Variants in SLC16A10 observed in about 807,000 individuals in gnomAD.
SLC16A10 encodes monocarboxylate transporter 10.
Under a neutral mutation model 40.0 loss-of-function variants are expected in SLC16A10, and 27 were observed. The observed-to-expected ratio is 0.67, with a 90% CI of 0.50 to 0.93. SLC16A10 has a LOEUF of 0.93. SLC16A10 is among the 40% of genes least tolerant of loss of function. The probability of loss-of-function intolerance (pLI) is 0.00; values close to 1 mark genes in which losing one functional copy is unlikely to be tolerated. For synonymous variants in SLC16A10, 213 were observed against 249.8 expected, an observed-to-expected ratio of 0.85 and a Z score of 1.39; for missense variants, 529 against 658.2, an observed-to-expected ratio of 0.80 and a Z score of 2.15.
chr6:111,121,092 T>A (rs574815481), intron 1 of SLC16A10, among the ~76,000 whole-genome samples: 32 of 152,318 alleles, frequency 2.1e-4, no homozygotes, highest in Non-Finnish European at 3.8e-4. Context: ...CAGGAAATTT[T>A]GGAATATACA....
chr6:111,220,618 G>A (rs1770871374), intron 5 of SLC16A10, among the ~76,000 whole-genome samples: 2 of 152,158 alleles, frequency 1.3e-5, no homozygotes, highest in South Asian at 4.1e-4. Flanking sequence ...AAAGGTCATG[G>A]TCTCCTTATA....
intron 1 of SLC16A10, among the ~76,000 whole-genome samples, chr6:111,101,222 G>A (rs1278164977): frequency 6.6e-6 from 1 of 151,732 alleles, no homozygotes; most frequent in Non-Finnish European, 1.5e-5. Context: ...TGTAGAGACA[G>A]GGTTTTGCCT....
At chr6:111,209,183 T>C (rs563953901) in intron 4 of SLC16A10, among the ~76,000 whole-genome samples, 41 of 152,222 alleles carry the variant, frequency 2.7e-4, no homozygotes, top group Middle Eastern at 6.8e-3. Flanking sequence ...CCAGCCTAGG[T>C]GACAGAGTGA....
At chr6:111,216,783 A>T (rs1267000233) in intron 4 of SLC16A10, among the ~76,000 whole-genome samples, 1 of 152,146 alleles carries the variant, frequency 6.6e-6, no homozygotes, top group East Asian at 1.9e-4. Context: ...TGAAGAAAAA[A>T]TGTACCGAAC....
intron 1 of SLC16A10, among the ~76,000 whole-genome samples, chr6:111,167,165 G>T (rs900351379): frequency 6.6e-6 from 1 of 152,176 alleles, no homozygotes; most frequent in Non-Finnish European, 1.5e-5. Flanking sequence ...TAACTGAAAA[G>T]CAGGTTAGTT....
At chr6:111,141,482 GAA>G (rs1484502814) in intron 1 of SLC16A10, among the ~76,000 whole-genome samples, 1 of 152,074 alleles carries the variant, frequency 6.6e-6, no homozygotes, top group African/African-American at 2.4e-5. Flanking sequence ...GACCAACATG[GAA>G]AAACCCCATC....
chr6:111,218,652 A>T (rs1770826112), intron 4 of SLC16A10, among the ~76,000 whole-genome samples, 162 bp from the exon 5 acceptor site: 1 of 152,078 alleles, frequency 6.6e-6, no homozygotes, highest in Non-Finnish European at 1.5e-5. Flanking sequence ...CTCGAAGGAG[A>T]TGATTATAGG....
chr6:111,107,024 C>T (rs967379796), intron 1 of SLC16A10, among the ~76,000 whole-genome samples: 16 of 152,210 alleles, frequency 1.1e-4, no homozygotes, highest in African/African-American at 3.9e-4. Flanking sequence ...CTTTTGGTGG[C>T]AGCAATTCTG....
intron 3 of SLC16A10, among the ~76,000 whole-genome samples, chr6:111,195,651 A>G (rs562679392): frequency 6.6e-6 from 1 of 152,294 alleles, no homozygotes; most frequent in East Asian, 1.9e-4. Flanking sequence ...ATTGTGAACC[A>G]ATGTGTAGTG....
At chr6:111,182,438 C>A (rs1772816023) in intron 3 of SLC16A10, among the ~76,000 whole-genome samples, 1 of 149,158 alleles carries the variant, frequency 6.7e-6, no homozygotes, top group African/African-American at 2.5e-5. Context: ...TCTTTGCTCA[C>A]TTCTTCTTTT....
chr6:111,174,974 A>C (rs115285838), intron 2 of SLC16A10, among the ~76,000 whole-genome samples: 110 of 152,316 alleles, frequency 7.2e-4, no homozygotes, highest in African/African-American at 2.3e-3. Context: ...TACATGTAAT[A>C]TTCTCATATA....
chr6:111,133,105 C>T (rs147771593), intron 1 of SLC16A10, among the ~76,000 whole-genome samples: 28 of 152,290 alleles, frequency 1.8e-4, no homozygotes, highest in African/African-American at 6.3e-4. Flanking sequence ...CCAGGACTCA[C>T]CCCTGAGCAA....
intron 1 of SLC16A10, among the ~76,000 whole-genome samples, chr6:111,165,088 C>T (rs997491394): frequency 6.6e-5 from 10 of 152,168 alleles, no homozygotes; most frequent in Non-Finnish European, 1.5e-4. Context: ...TAAGATTTTT[C>T]ATTGTCCAAT....
chr6:111,156,702 T>C (rs891982000), intron 1 of SLC16A10, among the ~76,000 whole-genome samples: 4 of 152,122 alleles, frequency 2.6e-5, no homozygotes, highest in African/African-American at 7.2e-5. Flanking sequence ...GATCTTGGAA[T>C]AGAAAAAGGA....
intron 4 of SLC16A10, among the ~76,000 whole-genome samples, chr6:111,213,293 T>TG (rs2114589584): frequency 6.6e-6 from 1 of 152,270 alleles, no homozygotes; most frequent in South Asian, 2.1e-4. Context: ...AGGAGGTGAA[T>TG]GGGCATGGGT....
intron 1 of SLC16A10, among the ~76,000 whole-genome samples, chr6:111,115,583 G>A (rs1361316311): frequency 1.3e-5 from 2 of 152,224 alleles, no homozygotes; most frequent in Non-Finnish European, 2.9e-5. Flanking sequence ...CTGTTAATAA[G>A]CAGTGAGAAA....
chr6:111,131,421 C>G (rs956223946), intron 1 of SLC16A10, among the ~76,000 whole-genome samples: 1 of 152,198 alleles, frequency 6.6e-6, no homozygotes, highest in Non-Finnish European at 1.5e-5. Context: ...TTGCCGCCAT[C>G]TTGGAAGCAG....
At chr6:111,124,724 A>G (rs1771643274) in intron 1 of SLC16A10, among the ~76,000 whole-genome samples, 1 of 152,230 alleles carries the variant, frequency 6.6e-6, no homozygotes, top group African/African-American at 2.4e-5. Context: ...TTGAGTAGGA[A>G]TGGCAGAGAG....
At chr6:111,201,387 C>T (rs1460042653) in intron 3 of SLC16A10, among the ~76,000 whole-genome samples, 1 of 152,178 alleles carries the variant, frequency 6.6e-6, no homozygotes, top group East Asian at 1.9e-4. Flanking sequence ...CTCCCTGGGC[C>T]TGTTTTTGCC....
Sources: gnomAD v4.1 joint callset for allele counts (sites outside exome capture counted in the v4.1 genomes callset) on GRCh38, gnomAD v4.1.1 for gene constraint, MANE v1.5 for transcripts, NCBI Gene and HGNC (gene_info 2026-07-23, HGNC 2026-07-21) for gene names.